Variants in MAP2K1 observed in about 807,000 individuals in gnomAD.
MAP2K1 encodes mitogen-activated protein kinase kinase 1.
MAP2K1 carries 16 observed loss-of-function variants against 46.3 expected under a neutral mutation model. The ratio of observed to expected loss-of-function variants is 0.35; its 90% CI spans 0.23 to 0.52. The LOEUF (loss-of-function observed/expected upper bound fraction) is 0.52. Ranked by LOEUF, MAP2K1 falls within the 20% of genes least tolerant of loss-of-function variation. The pLI, the probability that MAP2K1 is intolerant of heterozygous loss-of-function variation, is 0.94. For missense variants in MAP2K1, 263 were observed against 497.1 expected (o/e 0.53, Z 4.48); for synonymous variants, 183 against 185.6 (o/e 0.99, Z 0.11).
At chr15:66,489,378 G>A in intron 9 of MAP2K1, 102 bp downstream of exon 9, 1 of 1,145,950 alleles carries the variant, frequency 8.7e-7, no homozygotes, top group Non-Finnish European at 1.3e-6. Flanking sequence ...GCAGAGTTTT[G>A]CCCTTTACCC....
Position 66,468,291 on chromosome 15 carries a change from C to T in MAP2K1, c.569-13464C>T, listed in dbSNP as rs77092987. Among the ~76,000 whole-genome samples the T allele has an allele frequency of 5.3e-5, 8 of 152,086 alleles. No individual in the cohort carries two copies. In the East Asian group the frequency reaches 1.5e-3, roughly 29 times the overall value. On this transcript the variant is annotated intron_variant, in intron 5 of 10. Transcript: ENST00000307102. The stretch of plus-strand genomic sequence containing the variant: ...CTCCTTTTTTTTTCCCCCCTTCTGT[C>T]TAAGACTTGCAAACTCTTGATAACC...
intron 8 of MAP2K1, among the ~76,000 whole-genome samples, chr15:66,487,586 GAAAAACAAAACAAAACAA>G (rs1893085086): frequency 6.6e-6 from 1 of 151,712 alleles, no homozygotes; most frequent in Non-Finnish European, 1.5e-5. Flanking sequence ...TTGACTCTGG[GAAAAACAAAACAAAACAA>G]AAAAACAAAA....
chr15:66,476,766 G>A (rs888410567), intron 5 of MAP2K1, among the ~76,000 whole-genome samples: 1 of 152,218 alleles, frequency 6.6e-6, no homozygotes, highest in African/African-American at 2.4e-5. Context: ...GTGTAGGCGG[G>A]GGGAGGGAGA....
chr15:66,404,222 G>C (rs532740934), intron 1 of MAP2K1, among the ~76,000 whole-genome samples: 2 of 152,212 alleles, frequency 1.3e-5, no homozygotes, highest in South Asian at 2.1e-4. Flanking sequence ...GCATGGTGGC[G>C]TGTGTCTGTA....
intron 1 of MAP2K1, among the ~76,000 whole-genome samples, chr15:66,418,693 C>T (rs963800264): frequency 4.0e-5 from 6 of 151,344 alleles, no homozygotes; most frequent in Non-Finnish European, 7.4e-5. Flanking sequence ...GACGGAGTCT[C>T]GCTCTGTCGC....
At chr15:66,463,144 C>T (rs574671054) in intron 5 of MAP2K1, among the ~76,000 whole-genome samples, 39 of 152,236 alleles carry the variant, frequency 2.6e-4, no homozygotes, top group African/African-American at 8.4e-4. Flanking sequence ...GGGGCTCCTT[C>T]GGGTGAGTGA....
intron 3 of MAP2K1, among the ~76,000 whole-genome samples, chr15:66,439,986 A>T (rs2093499238): frequency 6.6e-6 from 1 of 151,678 alleles, no homozygotes; most frequent in South Asian, 2.1e-4. Flanking sequence ...AAGGAAGTGT[A>T]CACTCGTACA....
intron 5 of MAP2K1, among the ~76,000 whole-genome samples, chr15:66,459,321 A>AAAAAAATG (rs1218520598): frequency 1.5e-5 from 2 of 136,930 alleles, no homozygotes; most frequent in African/African-American, 2.8e-5. Context: ...AAAAAAAAAA[A>AAAAAAATG]AAAAATGTTT....
chr15:66,474,327 C>T (rs1259219225), intron 5 of MAP2K1, among the ~76,000 whole-genome samples: 1 of 152,170 alleles, frequency 6.6e-6, no homozygotes, highest in Non-Finnish European at 1.5e-5. Flanking sequence ...AGGTGGGAAA[C>T]AACCTCTGGT....
intron 5 of MAP2K1, among the ~76,000 whole-genome samples, chr15:66,465,102 G>A (rs901214781): frequency 6.6e-6 from 1 of 151,906 alleles, no homozygotes; most frequent in Non-Finnish European, 1.5e-5. Context: ...GCGCATGCCT[G>A]TAATCCCAGC....
rs146954635 is a variant in MAP2K1 at position 66,396,443 on chromosome 15, T to A, written c.80+9016T>A. Among the ~76,000 whole-genome samples the A allele has an allele frequency of 9.8e-3, 1,490 of 152,038 alleles. 55 individuals carry two copies. The highest frequency in any genetic ancestry group is 0.062 in the Admixed American group (940 of 15,272). ...CACCACCATGGCCGGCTAATTTTTT[T>A]ATTTTTAGTAGAGACAGGATTTCAC... On this transcript the variant is annotated intron_variant, in intron 1 of 10. Coordinates refer to ENST00000307102, the MANE Select transcript of MAP2K1 (RefSeq NM_002755.4).
At chr15:66,479,353 C>A (rs992491281) in intron 5 of MAP2K1, among the ~76,000 whole-genome samples, 1 of 152,054 alleles carries the variant, frequency 6.6e-6, no homozygotes, top group Non-Finnish European at 1.5e-5. Context: ...CCACCTAGGC[C>A]TCCCAAAGTG....
chr15:66,489,326 C>T (rs779678270), intron 9 of MAP2K1, 50 bp downstream of exon 9: 8 of 1,513,990 alleles, frequency 5.3e-6, no homozygotes, highest in Non-Finnish European at 7.3e-6. Flanking sequence ...ATTTGTCAGG[C>T]TCCCCACCCC....
chr15:66,415,049 C>A, intron 1 of MAP2K1: 1 of 497,614 alleles, frequency 2.0e-6, no homozygotes, highest in South Asian at 1.5e-5. Context: ...TTCTTCATGT[C>A]AATGCACTGC....
Position 66,485,048 on chromosome 15 carries a change from T to C in MAP2K1, c.752T>C (p.Leu251Pro), listed in dbSNP as rs2140674242. ...CAGTCAGACATCTGGAGCATGGGAC[T>C]GTCTCTGGTAGAGATGGCGGTTGGG... ...SVQSDIWSMG[L>P]SLVEMAVGRY... The change falls in exon 7 of 11, where the codon CTG becomes CCG. Residue 251 changes from leucine (L) to proline (P), a missense_variant. By Grantham distance (98) the Leu-to-Pro change is moderately conservative. Transcript: ENST00000307102. 6.2e-7 allele frequency: 1 copy of C among 1,613,800 alleles called. No homozygotes were observed. Among genetic ancestry groups the C allele is most frequent in the Non-Finnish European group, 8.5e-7 (1 of 1,180,038 alleles).
chr15:66,456,822 G>A (rs1892177223), intron 5 of MAP2K1, among the ~76,000 whole-genome samples: 1 of 152,248 alleles, frequency 6.6e-6, no homozygotes, highest in African/African-American at 2.4e-5. Flanking sequence ...AGTTGATGCT[G>A]GGGAGGAGTG....
intron 5 of MAP2K1, among the ~76,000 whole-genome samples, chr15:66,466,759 TCAG>T (rs1253403460): frequency 6.6e-6 from 1 of 152,112 alleles, no homozygotes; most frequent in Admixed American, 6.5e-5. Context: ...ACACAAAGAA[TCAG>T]CAGCATTTAA....
chr15:66,431,885 C>T (rs1442570787), intron 1 of MAP2K1, among the ~76,000 whole-genome samples: 12 of 152,098 alleles, frequency 7.9e-5, no homozygotes, highest in African/African-American at 2.4e-4. Context: ...GTGTTGTTCC[C>T]GCCCCTGTGC....
At chr15:66,426,360 C>A (rs373095679) in intron 1 of MAP2K1, among the ~76,000 whole-genome samples, 1,408 of 137,114 alleles carry the variant, frequency 0.01, no homozygotes, top group Non-Finnish European at 0.012. Context: ...ATCAAGAAGA[C>A]AAAAAAAAAA....
Sources: allele counts gnomAD v4.1 joint callset (sites outside exome capture counted in the v4.1 genomes callset), GRCh38; gene constraint gnomAD v4.1.1; transcripts MANE v1.5; gene names NCBI Gene and HGNC (gene_info 2026-07-23, HGNC 2026-07-21).